MSN: variants seen among roughly 807,000 people sequenced by gnomAD.
The protein encoded by MSN is moesin, also known as epididymis luminal protein 70.
MSN carries 2 observed loss-of-function variants against 48.0 expected under a neutral mutation model. The observed-to-expected ratio is 0.04, with a 90% confidence interval of 0.02 to 0.13. The LOEUF (loss-of-function observed/expected upper bound fraction) is 0.13. Among genes scored for constraint, MSN ranks in the 10% least tolerant of loss-of-function variants. The pLI, the probability that MSN is intolerant of heterozygous loss-of-function variation, is 1.00. For synonymous variants in MSN, 146 were observed against 166.9 expected, an observed-to-expected ratio of 0.87 and a Z score of 0.97; for missense variants, 267 against 470.1, an observed-to-expected ratio of 0.57 and a Z score of 3.99.
chrX:65,620,806 T>G (rs2070435005), intron 1 of MSN, among the ~76,000 whole-genome samples: 1 of 111,559 alleles, frequency 9.0e-6, no homozygotes, highest in Non-Finnish European at 1.9e-5. Context: ...TTTTTTTCTT[T>G]TGTTACTTTT....
intron 1 of MSN, among the ~76,000 whole-genome samples, chrX:65,681,606 C>T (rs1169913650): frequency 8.9e-6 from 1 of 112,236 alleles, no homozygotes; most frequent in Non-Finnish European, 1.9e-5. Flanking sequence ...CCTAGCTGGC[C>T]TTGAGTCACC....
At chrX:65,630,548 C>T (rs150517496) in intron 1 of MSN, among the ~76,000 whole-genome samples, 3 of 111,151 alleles carry the variant, frequency 2.7e-5, no homozygotes, top group African/African-American at 3.3e-5. Context: ...ATGATCGTGC[C>T]GCTGCATTCC....
At chrX:65,667,139 T>C (rs2070879120), upstream of MSN, among the ~76,000 whole-genome samples, 1 of 112,025 alleles carries the variant, frequency 8.9e-6, no homozygotes, top group South Asian at 3.7e-4. Context: ...CCTGTGGACC[T>C]GAGATCTTCA....
intron 1 of MSN, among the ~76,000 whole-genome samples, chrX:65,594,965 A>G (rs915132299): frequency 9.0e-6 from 1 of 111,638 alleles, no homozygotes; most frequent in Admixed American, 9.5e-5. Flanking sequence ...CTACACCTCC[A>G]GCATGTAATG....
intron 1 of MSN, among the ~76,000 whole-genome samples, chrX:65,622,269 AT>A (rs1484442540): frequency 9.5e-6 from 1 of 105,230 alleles, no homozygotes; most frequent in Non-Finnish European, 1.9e-5. Flanking sequence ...TAATTTTTGT[AT>A]TTTTTTTGGG....
At chrX:65,592,061 C>T (rs781424254) in intron 1 of MSN, among the ~76,000 whole-genome samples, 1 of 109,543 alleles carries the variant, frequency 9.1e-6, no homozygotes. Flanking sequence ...CATTGCTCCC[C>T]GTACTGCTCC....
chrX:65,681,996 C>T (rs987668441), intron 1 of MSN, among the ~76,000 whole-genome samples: 17 of 111,722 alleles, frequency 1.5e-4, no homozygotes, highest in Non-Finnish European at 3.2e-4. Flanking sequence ...CCAACTGGCC[C>T]TAGCACAGCC....
In MSN at chrX:65,667,821, T is replaced by C. The variant is rs762712691; in HGVS notation, c.-21T>C. On this transcript the variant is annotated 5_prime_UTR_variant, in exon 1 of 13. Transcript: ENST00000360270. The stretch of plus-strand genomic sequence containing the variant: ...ACAGTCCTAGCTAAACTTCGCCAAC[T>C]CCGCTGCCTTTGCCGCCACCATGCC... The C allele has an allele frequency of 3.1e-5, 38 of 1,209,198 alleles. No homozygotes were observed. Among genetic ancestry groups the C allele is most frequent in the Non-Finnish European group, 4.2e-5 (38 of 895,017 alleles).
chrX:65,683,093 C>T (rs1192753674), intron 1 of MSN, among the ~76,000 whole-genome samples: 8 of 112,828 alleles, frequency 7.1e-5, no homozygotes, highest in Non-Finnish European at 1.3e-4. Context: ...ACATTTCTGT[C>T]CACCTTTGTG....
chrX:65,625,417 C>T (rs2070495785), intron 1 of MSN: 1 of 111,210 alleles, frequency 9.0e-6, no homozygotes, highest in African/African-American at 3.3e-5. Flanking sequence ...GTATTTCTTC[C>T]TTCATTTCTG....
chrX:65,593,503 G>T (rs2070164547), intron 1 of MSN: 1 of 112,207 alleles, frequency 8.9e-6, no homozygotes, highest in South Asian at 3.7e-4. Flanking sequence ...TTGTGGGGTG[G>T]TGCAATAAAC....
At chrX:65,696,213 G>A (rs1185039748) in intron 1 of MSN, among the ~76,000 whole-genome samples, 4 of 93,965 alleles carry the variant, frequency 4.3e-5, no homozygotes, top group East Asian at 2.9e-4. Context: ...ATGCCCTCAC[G>A]TGCTTGCTCA....
At chrX:65,696,547 C>T (rs1383591393) in intron 1 of MSN, among the ~76,000 whole-genome samples, 1 of 110,552 alleles carries the variant, frequency 9.0e-6, no homozygotes, top group Non-Finnish European at 1.9e-5. Flanking sequence ...AAAACTAGAC[C>T]AAACATTCGG....
chrX:65,648,508 G>A (rs184526897), intron 1 of MSN, among the ~76,000 whole-genome samples: 80 of 106,944 alleles, frequency 7.5e-4, no homozygotes, highest in African/African-American at 2.6e-3. Flanking sequence ...AGCCAAGATC[G>A]TGCCACTGCA....
At chrX:65,629,815 G>A (rs79845951) in intron 1 of MSN, among the ~76,000 whole-genome samples, 97 of 112,158 alleles carry the variant, frequency 8.6e-4, no homozygotes, top group Non-Finnish European at 1.5e-3. Context: ...AATTCTGGGA[G>A]ATACAATTCA....
intron 2 of MSN, among the ~76,000 whole-genome samples, chrX:65,726,627 A>ATG (rs1386317382): frequency 1.8e-5 from 2 of 110,106 alleles, no homozygotes; most frequent in African/African-American, 3.3e-5. Context: ...GTGTGTGTGC[A>ATG]TGTGTGTGTG....
chrX:65,629,005 G>T (rs891676015), intron 1 of MSN, among the ~76,000 whole-genome samples: 1 of 107,851 alleles, frequency 9.3e-6, no homozygotes, highest in Non-Finnish European at 1.9e-5. Context: ...AGTGGAGGTT[G>T]CAGTCAGTGA....
Position 65,729,674 on chromosome X carries a change from G to A in MSN, c.429G>A (p.Lys143=), listed in dbSNP as rs146058241. 243 of 1,209,975 alleles carry A rather than the reference G, an allele frequency of 2.0e-4. No individual in the cohort carries two copies. Among genetic ancestry groups the A allele is most frequent in the Admixed American group, 5.5e-4 (25 of 45,812 alleles). The part of the protein sequence containing the change: ...KYGDFNKEVH[K]SGYLAGDKLL... ...GCGACTTCAATAAGGAAGTGCATAA[G>A]TCTGGCTACCTGGCCGGAGACAAGT... Residue 143 remains lysine (K), a synonymous_variant, in exon 4 of 13, where the codon AAG becomes AAA. Coordinates refer to ENST00000360270, the MANE Select transcript of MSN (RefSeq NM_002444.3).
In MSN at chrX:65,599,405, C is replaced by T. The variant is rs1014185836; in HGVS notation, c.-22+10793C>T. 1.4e-4 allele frequency among the ~76,000 whole-genome samples: 16 copies of T among 112,525 alleles called. No homozygotes were observed. In the Middle Eastern group the frequency reaches 0.019, roughly 131 times the overall value. On this transcript the variant is annotated intron_variant, in intron 1 of 3. Transcript: ENST00000609672. The stretch of plus-strand genomic sequence containing the variant: ...ATCCCAGCACTTTGGGAGGCTGAGG[C>T]GGGCAGATCATGAGGTCAAGAGATC...
Sources: allele counts gnomAD v4.1 joint callset (sites outside exome capture counted in the v4.1 genomes callset), GRCh38; gene constraint gnomAD v4.1.1; transcripts MANE v1.5; gene names NCBI Gene and HGNC (gene_info 2026-07-23, HGNC 2026-07-21).